The following PRMT7 variants were observed in gnomAD, a reference collection of about 807,000 sequenced individuals.
PRMT7 encodes protein arginine methyltransferase 7.
Under a neutral mutation model 85.4 loss-of-function variants are expected in PRMT7, and 75 were observed. The observed-to-expected ratio is 0.88, with a 90% confidence interval of 0.73 to 1.06. The LOEUF (loss-of-function observed/expected upper bound fraction) is 1.06. Ranked by LOEUF, PRMT7 falls within the 50% of genes least tolerant of loss-of-function variation. The pLI, the probability that PRMT7 is intolerant of heterozygous loss-of-function variation, is 0.00. For missense variants in PRMT7, 868 were observed against 915.2 expected (o/e 0.95, Z 0.67); for synonymous variants, 397 against 359.5 (o/e 1.10, Z -1.18).
At chr16:68,332,054 T>C (rs1950551420) in intron 6 of PRMT7, among the ~76,000 whole-genome samples, 1 of 152,204 alleles carries the variant, frequency 6.6e-6, no homozygotes, top group Non-Finnish European at 1.5e-5. Context: ...CTAGACTTCG[T>C]TGGTTTTGCT....
chr16:68,335,979 G>A (rs2084629557), intron 6 of PRMT7, among the ~76,000 whole-genome samples: 1 of 152,074 alleles, frequency 6.6e-6, no homozygotes, highest in South Asian at 2.1e-4. Context: ...GTTTCACCAC[G>A]TTGGCCAGGT....
At position 68,358,107 on chromosome 16, in the gene PRMT7, G is replaced by C. The variant is rs2151959857; in HGVS notation, c.*883G>C. On this transcript the variant is annotated 3_prime_UTR_variant, in exon 19 of 19. Coordinates refer to ENST00000441236, the MANE Select transcript of PRMT7 (RefSeq NM_019023.5). ...TCAGAGGTAACAGCAGACACCACGT[G>C]AGAGAACCCAGTGGCCTCTGGCTCG... 1 of 152,422 alleles carries C rather than the reference G, an allele frequency of 6.6e-6. No individual in the cohort carries two copies. The highest frequency in any genetic ancestry group is 2.1e-4 in the South Asian group (1 of 4,830). 9.4% of individuals were successfully genotyped at this position (152,422 alleles called of 1,614,324 possible). A position where few individuals can be genotyped will look rare whatever the true frequency, so the allele number is the denominator to read the frequency against.
At chr16:68,319,709 AGAGTGTGTGTGT>A (rs1334091759) in intron 3 of PRMT7, among the ~76,000 whole-genome samples, 4 of 41,908 alleles carry the variant, frequency 9.5e-5, no homozygotes, top group African/African-American at 4.5e-4. Context: ...AATAAGAGTG[AGAGTGTGTGTGT>A]GTGTGTGTGT....
At chr16:68,321,359 A>G in intron 3 of PRMT7, 67 bp from the exon 4 acceptor site, 5 of 1,267,126 alleles carry the variant, frequency 3.9e-6, no homozygotes, top group Non-Finnish European at 5.7e-6. Context: ...CAATGTGTTT[A>G]TATATGTGAA....
rs2083601115 is a variant in PRMT7 at position 68,329,816 on chromosome 16, A to G, written c.391+642A>G. ...TAGTTCTGACATTCTGCTTCTGCAT[A>G]CAACATGAACAATTTTCCTGTATAG... On this transcript the variant is annotated intron_variant, in intron 6 of 18. Transcript: ENST00000441236. 1.3e-5 allele frequency among the ~76,000 whole-genome samples: 2 copies of G among 152,102 alleles called. 1 individual carries two copies. The highest frequency in any genetic ancestry group is 4.1e-4 in the South Asian group (2 of 4,832).
chr16:68,328,926 C>T (rs1324664023), intron 5 of PRMT7, 140 bp from the exon 6 acceptor site: 1 of 583,246 alleles, frequency 1.7e-6, no homozygotes, highest in Non-Finnish European at 3.0e-6. Flanking sequence ...AGCCCTTTTT[C>T]ATGATGCACA....
At chr16:68,319,576 C>G (rs1230713368) in intron 3 of PRMT7, among the ~76,000 whole-genome samples, 1 of 147,406 alleles carries the variant, frequency 6.8e-6, no homozygotes, top group Non-Finnish European at 1.5e-5. Flanking sequence ...AGATATAAAA[C>G]CTTGATGTGC....
intron 9 of PRMT7, among the ~76,000 whole-genome samples, chr16:68,340,291 T>G (rs1277932831): frequency 6.6e-6 from 1 of 152,096 alleles, no homozygotes. Flanking sequence ...CAGCTTGGAA[T>G]AGAGAACTAC....
intron 11 of PRMT7, 38 bp from the exon 12 acceptor site, chr16:68,347,173 G>A (rs771146529): frequency 1.3e-6 from 2 of 1,540,350 alleles, no homozygotes; most frequent in South Asian, 2.4e-5. Context: ...CTGGCAAACT[G>A]GAGGAAGCCC....
chr16:68,328,761 C>CAAGT, intron 5 of PRMT7, among the ~76,000 whole-genome samples: 1 of 152,218 alleles, frequency 6.6e-6, no homozygotes, highest in African/African-American at 2.4e-5. Context: ...GTTCGTGAGG[C>CAAGT]AAGTCCCTTT....
At chr16:68,314,930 T>C (rs1388868796) in intron 2 of PRMT7, among the ~76,000 whole-genome samples, 4 of 152,066 alleles carry the variant, frequency 2.6e-5, no homozygotes, top group Non-Finnish European at 5.9e-5. Context: ...GCTTTTAAAA[T>C]TAAAATTTGA....
In PRMT7 at chr16:68,353,432, C is replaced by A. The variant is rs56365255; in HGVS notation, c.1576-60C>A. 6.3e-3 allele frequency: 10,097 copies of A among 1,605,378 alleles called. 45 individuals are homozygous for A. Among genetic ancestry groups the A allele is most frequent in the Non-Finnish European group, 6.8e-3 (7,979 of 1,177,608 alleles). The stretch of plus-strand genomic sequence containing the variant: ...CAGCAAGATGTGCCTCTTGTTCTTG[C>A]TGCCACGCTTCCCTGTGTCCTGGCG... On this transcript the variant is annotated intron_variant, in intron 15 of 18. Coordinates refer to ENST00000441236, the MANE Select transcript of PRMT7 (RefSeq NM_019023.5).
At chr16:68,338,760 T>C (rs1423796660) in intron 7 of PRMT7, among the ~76,000 whole-genome samples, 1 of 152,184 alleles carries the variant, frequency 6.6e-6, no homozygotes, top group Non-Finnish European at 1.5e-5. Flanking sequence ...GTGAAAGCCA[T>C]GTGGGTAGCA....
chr16:68,356,894 C>T, intron 18 of PRMT7, 97 bp downstream of exon 18: 3 of 1,403,220 alleles, frequency 2.1e-6, no homozygotes, highest in Non-Finnish European at 2.9e-6. Flanking sequence ...GTGTTTCTGT[C>T]ACAAGTTCTT....
intron 4 of PRMT7, chr16:68,322,551 C>T: frequency 4.3e-6 from 1 of 232,960 alleles, no homozygotes; most frequent in Non-Finnish European, 9.3e-6. Flanking sequence ...GGGTTATGAA[C>T]ATAGGTGTGA....
intron 2 of PRMT7, among the ~76,000 whole-genome samples, chr16:68,314,254 G>A (rs1192288819): frequency 6.6e-6 from 1 of 152,128 alleles, no homozygotes; most frequent in Non-Finnish European, 1.5e-5. Flanking sequence ...TTTTGGTGAC[G>A]GAGTCTTACT....
chr16:68,334,526 C>T (rs1021716538), intron 6 of PRMT7, among the ~76,000 whole-genome samples: 1 of 152,190 alleles, frequency 6.6e-6, no homozygotes, highest in Non-Finnish European at 1.5e-5. Flanking sequence ...AGGTTCTGCT[C>T]TCAGCCCTTT....
chr16:68,338,999 C>A (rs1025311292), intron 7 of PRMT7, among the ~76,000 whole-genome samples: 1 of 152,118 alleles, frequency 6.6e-6, no homozygotes, highest in Non-Finnish European at 1.5e-5. Flanking sequence ...TGGGCAGGAG[C>A]GGCACTGAAG....
intron 7 of PRMT7, among the ~76,000 whole-genome samples, chr16:68,337,900 A>C (rs1038926267): frequency 1.4e-4 from 22 of 152,222 alleles, no homozygotes; most frequent in Non-Finnish European, 4.4e-5. Context: ...TTTCTGGTAG[A>C]GGAGAGCAGC....
Sources: gnomAD v4.1 joint callset for allele counts (sites outside exome capture counted in the v4.1 genomes callset) on GRCh38, gnomAD v4.1.1 for gene constraint, MANE v1.5 for transcripts, NCBI Gene and HGNC (gene_info 2026-07-23, HGNC 2026-07-21) for gene names.